C1orf21: variants seen among roughly 807,000 people sequenced by gnomAD.
C1orf21 encodes the protein uncharacterized protein C1orf21.
In C1orf21, 3 loss-of-function variants were observed where a neutral mutation model predicts 18.7. The observed-to-expected ratio is 0.16, with a 90% CI of 0.07 to 0.42. The LOEUF is 0.42. Among genes scored for constraint, C1orf21 ranks in the 10% least tolerant of loss-of-function variants. The probability of loss-of-function intolerance (pLI) is 0.99; values close to 1 mark genes in which losing one functional copy is unlikely to be tolerated. For missense variants in C1orf21, 104 were observed against 143.6 expected (o/e 0.72, Z 1.41); for synonymous variants, 41 against 46.4 (o/e 0.88, Z 0.47).
At chr1:184,587,262 C>CTT (rs35263651) in intron 3 of C1orf21, among the ~76,000 whole-genome samples, 5,958 of 76,330 alleles carry the variant, frequency 0.078, 229 homozygotes, top group Non-Finnish European at 0.11. Flanking sequence ...GCTATTTGGG[C>CTT]TTTTTTTTTT....
intron 3 of C1orf21, among the ~76,000 whole-genome samples, chr1:184,535,775 A>G (rs1658541486): frequency 6.6e-6 from 1 of 152,214 alleles, no homozygotes. Context: ...ACTCAGAAGG[A>G]AGTATAAATA....
At chr1:184,569,879 C>T (rs1266216526) in intron 3 of C1orf21, among the ~76,000 whole-genome samples, 2 of 152,126 alleles carry the variant, frequency 1.3e-5, no homozygotes, top group Non-Finnish European at 2.9e-5. Context: ...TATGGCATAG[C>T]CATATGTCCT....
rs557817783 is a variant in C1orf21 at position 184,616,208 on chromosome 1, A to T, written c.328-3310A>T. Reference sequence around the variant, plus strand: ...GTTTTGATTTCAAAGTTTGTTACCAAAGAAGTTGCTTCTCAGTGCTGCTGA... The same window carrying T: ...GTTTTGATTTCAAAGTTTGTTACCATAGAAGTTGCTTCTCAGTGCTGCTGA... On this transcript the variant is annotated intron_variant, in intron 5 of 5. Coordinates refer to ENST00000235307, the MANE Select transcript of C1orf21 (RefSeq NM_030806.4). 2.6e-5 allele frequency among the ~76,000 whole-genome samples: 4 copies of T among 152,360 alleles called. No homozygotes were observed. In the South Asian group the frequency reaches 8.3e-4, roughly 32 times the overall value.
At chr1:184,610,962 C>T (rs891355842) in intron 5 of C1orf21, among the ~76,000 whole-genome samples, 1 of 152,046 alleles carries the variant, frequency 6.6e-6, no homozygotes, top group Non-Finnish European at 1.5e-5. Flanking sequence ...TACTTACTCT[C>T]TCTTGGAAAT....
At chr1:184,536,491 C>T (rs1445288925) in intron 3 of C1orf21, among the ~76,000 whole-genome samples, 1 of 152,128 alleles carries the variant, frequency 6.6e-6, no homozygotes, top group Non-Finnish European at 1.5e-5. Flanking sequence ...ACCCCTTTGA[C>T]CAGAATGTAG....
At chr1:184,551,464 C>A (rs991461126) in intron 3 of C1orf21, among the ~76,000 whole-genome samples, 1 of 152,152 alleles carries the variant, frequency 6.6e-6, no homozygotes, top group Non-Finnish European at 1.5e-5. Flanking sequence ...AACCTCAGGG[C>A]AGGGACTGTC....
Position 184,627,460 on chromosome 1 carries a change from G to A in C1orf21, c.*7904G>A, listed in dbSNP as rs1039369097. On this transcript the variant is annotated 3_prime_UTR_variant, in exon 6 of 6. Coordinates refer to ENST00000235307, the MANE Select transcript of C1orf21 (RefSeq NM_030806.4). The stretch of plus-strand genomic sequence containing the variant: ...CTGAGAGGCTGGAGGCGTTGGTGCT[G>A]AAGGCAATTTTCCTAGCTAAGGGGC... The A allele has an allele frequency of 2.6e-5, 4 of 152,216 alleles. No individual in the cohort carries two copies. In the East Asian group the frequency reaches 7.7e-4, roughly 29 times the overall value. 9.4% of individuals were successfully genotyped at this position (152,216 alleles called of 1,614,324 possible).
chr1:184,607,408 A>G (rs935703343), intron 5 of C1orf21, among the ~76,000 whole-genome samples: 2 of 152,218 alleles, frequency 1.3e-5, no homozygotes, highest in African/African-American at 2.4e-5. Flanking sequence ...ATATATAAAG[A>G]AGTAATATTA....
At chr1:184,530,276 C>T (rs1277598113) in intron 3 of C1orf21, among the ~76,000 whole-genome samples, 1 of 152,164 alleles carries the variant, frequency 6.6e-6, no homozygotes, top group African/African-American at 2.4e-5. Context: ...CAAGTTATCT[C>T]TCTGGGCCTC....
intron 3 of C1orf21, among the ~76,000 whole-genome samples, chr1:184,535,675 C>A (rs1375095919): frequency 6.6e-6 from 1 of 152,174 alleles, no homozygotes; most frequent in Non-Finnish European, 1.5e-5. Context: ...TAGGGTAAGG[C>A]TGTGGTTTCT....
intron 2 of C1orf21, among the ~76,000 whole-genome samples, chr1:184,491,499 G>T (rs1657816110): frequency 6.6e-6 from 1 of 151,972 alleles, no homozygotes; most frequent in Non-Finnish European, 1.5e-5. Context: ...ACAGGTGCAA[G>T]CCCCCCATGC....
intron 1 of C1orf21, among the ~76,000 whole-genome samples, chr1:184,397,097 A>G (rs1048145369): frequency 6.6e-6 from 1 of 152,168 alleles, no homozygotes; most frequent in Non-Finnish European, 1.5e-5. Context: ...ATAGAAAAGG[A>G]TGGTGAAGGA....
At chr1:184,449,164 A>AC (rs1553250646) in intron 1 of C1orf21, among the ~76,000 whole-genome samples, 2 of 151,934 alleles carry the variant, frequency 1.3e-5, no homozygotes, top group Admixed American at 1.3e-4. Flanking sequence ...CTCGTCATTT[A>AC]CATTAGGTGT....
chr1:184,449,220 C>G (rs2101978657), intron 1 of C1orf21, among the ~76,000 whole-genome samples: 1 of 147,374 alleles, frequency 6.8e-6, no homozygotes, highest in East Asian at 2.0e-4. Context: ...CTACAACAGG[C>G]CCCGGTGTGT....
chr1:184,436,723 C>T (rs140690262), intron 1 of C1orf21, among the ~76,000 whole-genome samples: 4 of 152,154 alleles, frequency 2.6e-5, no homozygotes, highest in East Asian at 1.9e-4. Flanking sequence ...TTTCGATAAA[C>T]GTCTGTTGAA....
chr1:184,531,835 G>T, intron 3 of C1orf21, among the ~76,000 whole-genome samples: 1 of 152,080 alleles, frequency 6.6e-6, no homozygotes, highest in Middle Eastern at 3.2e-3. Flanking sequence ...AGCTGAGATT[G>T]TATATCAGAC....
intron 3 of C1orf21, among the ~76,000 whole-genome samples, chr1:184,539,629 A>G (rs1273745617): frequency 2.6e-5 from 4 of 152,240 alleles, no homozygotes; most frequent in African/African-American, 9.6e-5. Context: ...GACTTTTCAC[A>G]GCTGCATGTT....
At position 184,622,400 on chromosome 1, in the gene C1orf21, G is replaced by T. The variant is rs1659938563; in HGVS notation, c.*2844G>T. 1 of 152,628 alleles carries T rather than the reference G, an allele frequency of 6.6e-6. No homozygotes were observed. Among genetic ancestry groups the T allele is most frequent in the African/African-American group, 2.4e-5 (1 of 41,452 alleles). The allele number at this position is 152,628 out of a possible 1,614,324, so 9.5% of individuals were successfully genotyped here. On this transcript the variant is annotated 3_prime_UTR_variant, in exon 6 of 6. Transcript: ENST00000235307. ...CGAGATTTACAGCTGGCTTACACAT[G>T]CCTTATGTCCTCTGAGTTGTAGAGT... is the stretch of plus-strand genomic sequence containing the variant.
intron 3 of C1orf21, among the ~76,000 whole-genome samples, chr1:184,537,884 G>T (rs1469890502): frequency 2.0e-5 from 3 of 152,044 alleles, no homozygotes; most frequent in Admixed American, 6.6e-5. Flanking sequence ...CCTGACCTCA[G>T]GTGATCCGCC....
Sources: allele counts gnomAD v4.1 joint callset (sites outside exome capture counted in the v4.1 genomes callset), GRCh38; gene constraint gnomAD v4.1.1; transcripts MANE v1.5; gene names NCBI Gene and HGNC (gene_info 2026-07-23, HGNC 2026-07-21).